CCDC85A: variants seen among roughly 807,000 people sequenced by gnomAD.
CCDC85A encodes coiled-coil domain containing 85A.
Under a neutral mutation model 50.2 loss-of-function variants are expected in CCDC85A, and 38 were observed. The observed-to-expected ratio is 0.76, with a 90% CI of 0.58 to 0.99. CCDC85A has a LOEUF of 0.99. Among genes scored for constraint, CCDC85A ranks in the 50% least tolerant of loss-of-function variants. The probability of loss-of-function intolerance (pLI) is 0.00; values close to 1 mark genes in which losing one functional copy is unlikely to be tolerated. For synonymous variants in CCDC85A, 366 were observed against 301.4 expected (o/e 1.21, Z -2.22); for missense variants, 820 against 742.0 (o/e 1.11, Z -1.22).
At chr2:56,292,420 ACAT>A (rs1189496109) in intron 2 of CCDC85A, among the ~76,000 whole-genome samples, 2 of 152,182 alleles carry the variant, frequency 1.3e-5, no homozygotes, top group Non-Finnish European at 2.9e-5. Context: ...TAAAGGATAC[ACAT>A]TTTCTCCTAT....
At chr2:56,343,762 T>C (rs896521521) in intron 3 of CCDC85A, among the ~76,000 whole-genome samples, 2 of 152,210 alleles carry the variant, frequency 1.3e-5, no homozygotes, top group African/African-American at 4.8e-5. Flanking sequence ...CTGGTAATTA[T>C]TTCTGTTTCA....
At chr2:56,380,165 C>G (rs943982009) in intron 5 of CCDC85A, among the ~76,000 whole-genome samples, 2 of 152,004 alleles carry the variant, frequency 1.3e-5, no homozygotes, top group African/African-American at 4.8e-5. Flanking sequence ...CTATTTTATA[C>G]TTCTAAGAAG....
intron 2 of CCDC85A, among the ~76,000 whole-genome samples, chr2:56,206,696 T>C (rs189612150): frequency 6.0e-4 from 92 of 152,272 alleles, no homozygotes; most frequent in Non-Finnish European, 6.9e-4. Context: ...CACTGCTGCA[T>C]TGAGGATTAC....
At chr2:56,313,297 A>G (rs919001704) in intron 2 of CCDC85A, among the ~76,000 whole-genome samples, 2 of 152,086 alleles carry the variant, frequency 1.3e-5, no homozygotes, top group African/African-American at 4.8e-5. Flanking sequence ...TAGCCTGCAA[A>G]TCTCATGTGT....
intron 2 of CCDC85A, among the ~76,000 whole-genome samples, chr2:56,207,896 C>CA (rs1217543785): frequency 1.3e-5 from 2 of 152,142 alleles, no homozygotes; most frequent in Admixed American, 1.3e-4. Flanking sequence ...TCCACCAACT[C>CA]AGCCTTTTCC....
chr2:56,230,760 G>T (rs190896691), intron 2 of CCDC85A, among the ~76,000 whole-genome samples: 8 of 152,144 alleles, frequency 5.3e-5, no homozygotes, highest in African/African-American at 1.9e-4. Context: ...ACTTTGACTT[G>T]TTTATCATCT....
At chr2:56,295,514 C>T (rs1338135405) in intron 2 of CCDC85A, among the ~76,000 whole-genome samples, 1 of 152,182 alleles carries the variant, frequency 6.6e-6, no homozygotes, top group Non-Finnish European at 1.5e-5. Flanking sequence ...GAAGGTTGAT[C>T]TCTTTGTGAA....
intron 2 of CCDC85A, among the ~76,000 whole-genome samples, chr2:56,304,976 A>T (rs1274912054): frequency 6.6e-6 from 1 of 151,694 alleles, no homozygotes; most frequent in Non-Finnish European, 1.5e-5. Context: ...GGTGGTGTGC[A>T]CTTTTAGTCC....
At chr2:56,368,319 G>T (rs991995404) in intron 3 of CCDC85A, among the ~76,000 whole-genome samples, 1 of 152,084 alleles carries the variant, frequency 6.6e-6, no homozygotes, top group Non-Finnish European at 1.5e-5. Context: ...CTATGCACAA[G>T]AATCTCTTGG....
intron 2 of CCDC85A, among the ~76,000 whole-genome samples, chr2:56,258,932 G>A (rs1670101484): frequency 6.6e-6 from 1 of 152,186 alleles, no homozygotes; most frequent in Non-Finnish European, 1.5e-5. Context: ...GTAAGATGTG[G>A]AGCTAAGGCT....
intron 2 of CCDC85A, among the ~76,000 whole-genome samples, chr2:56,272,710 A>T (rs1298305521): frequency 6.6e-6 from 1 of 152,180 alleles, no homozygotes; most frequent in African/African-American, 2.4e-5. Context: ...AGAAAGAAAG[A>T]TTCTTGGATA....
chr2:56,302,403 A>G (rs539488474), intron 2 of CCDC85A, among the ~76,000 whole-genome samples: 2 of 152,186 alleles, frequency 1.3e-5, no homozygotes, highest in Non-Finnish European at 2.9e-5. Flanking sequence ...GGCTTCTGAG[A>G]GATAAATTTA....
chr2:56,290,288 C>T (rs748302581), intron 2 of CCDC85A, among the ~76,000 whole-genome samples: 6 of 152,062 alleles, frequency 3.9e-5, no homozygotes, highest in Non-Finnish European at 7.3e-5. Context: ...TTTGCTAATA[C>T]TAACATGGAA....
chr2:56,251,376 G>C (rs1440035556), intron 2 of CCDC85A, among the ~76,000 whole-genome samples: 1 of 152,186 alleles, frequency 6.6e-6, no homozygotes. Context: ...TTGCTGTTTG[G>C]GAAAAAGTTG....
intron 2 of CCDC85A, among the ~76,000 whole-genome samples, chr2:56,224,977 T>C (rs541529131): frequency 1.3e-5 from 2 of 152,298 alleles, no homozygotes; most frequent in South Asian, 4.2e-4. Context: ...TTTAAAGTCA[T>C]AGCTAAGAAA....
At chr2:56,362,572 AAG>A (rs1430035909) in intron 3 of CCDC85A, among the ~76,000 whole-genome samples, 5 of 151,946 alleles carry the variant, frequency 3.3e-5, no homozygotes, top group African/African-American at 1.2e-4. Context: ...GTAGACTGCA[AAG>A]AGAGACCCAA....
chr2:56,206,783 G>T (rs956914734), intron 2 of CCDC85A, among the ~76,000 whole-genome samples: 5 of 152,180 alleles, frequency 3.3e-5, no homozygotes, highest in African/African-American at 1.2e-4. Context: ...GTTTTACAAT[G>T]ATCAGTGCTT....
chr2:56,284,624 T>G (rs1573173580), intron 2 of CCDC85A, among the ~76,000 whole-genome samples: 2 of 152,148 alleles, frequency 1.3e-5, no homozygotes, highest in Non-Finnish European at 2.9e-5. Flanking sequence ...CCACCTGCCT[T>G]GGCCTCCCAA....
chr2:56,199,123 G>A (rs1676637223), intron 2 of CCDC85A, among the ~76,000 whole-genome samples: 1 of 152,192 alleles, frequency 6.6e-6, no homozygotes. Flanking sequence ...CCTGAAATTG[G>A]TTAGAACAAA....
Sources: allele counts gnomAD v4.1 joint callset (sites outside exome capture counted in the v4.1 genomes callset), GRCh38; gene constraint gnomAD v4.1.1; transcripts MANE v1.5; gene names NCBI Gene and HGNC (gene_info 2026-07-23, HGNC 2026-07-21).